The following FHIT variants were observed in gnomAD, a reference collection of about 807,000 sequenced individuals.
The protein encoded by FHIT is bis(5'-adenosyl)-triphosphatase.
Under a neutral mutation model 17.9 loss-of-function variants are expected in FHIT, and 19 were observed. That is an observed-to-expected ratio of 1.06 (90% CI 0.74 to 1.56). FHIT has a LOEUF of 1.56. Among genes scored for constraint, FHIT ranks in the 40% most tolerant of loss-of-function variants. The pLI is 0.00. For missense variants in FHIT, 248 were observed against 189.2 expected, an observed-to-expected ratio of 1.31 and a Z score of -1.82; for synonymous variants, 81 against 69.7, an observed-to-expected ratio of 1.16 and a Z score of -0.81.
chr3:60,803,588 G>A (rs1701276596), intron 4 of FHIT, among the ~76,000 whole-genome samples: 1 of 152,188 alleles, frequency 6.6e-6, no homozygotes, highest in Non-Finnish European at 1.5e-5. Flanking sequence ...TGAATGGGTG[G>A]CTGAGGGTGG....
At chr3:60,662,778 A>G (rs1384259950) in intron 4 of FHIT, among the ~76,000 whole-genome samples, 6 of 152,048 alleles carry the variant, frequency 3.9e-5, no homozygotes, top group Non-Finnish European at 5.9e-5. Context: ...TTGGTTAGGT[A>G]TATTTCTAAC....
chr3:61,118,063 G>A (rs2106912112), intron 2 of FHIT, among the ~76,000 whole-genome samples: 1 of 152,188 alleles, frequency 6.6e-6, no homozygotes, highest in East Asian at 1.9e-4. Context: ...TCTTCAGGAA[G>A]GAGGGGAAAA....
In FHIT at chr3:60,888,123, G is replaced by C. The variant is rs183199965; in HGVS notation, c.-110-66112C>G. Among the ~76,000 whole-genome samples, 370 of 152,290 alleles carry C rather than the reference G, an allele frequency of 2.4e-3. 2 individuals carry two copies. The highest frequency in any genetic ancestry group is 8.7e-3 in the African/African-American group (360 of 41,548). The stretch of plus-strand genomic sequence containing the variant: ...AGCTTTCTAACACTCCAAGAACTGT[G>C]AACCCTGGAGGGAAGGTTGTAATCT... On this transcript the variant is annotated intron_variant, in intron 3 of 9. Transcript: ENST00000492590.
chr3:60,081,935 G>A (rs955628113), intron 5 of FHIT, among the ~76,000 whole-genome samples: 5 of 151,418 alleles, frequency 3.3e-5, no homozygotes, highest in Admixed American at 6.6e-5. Context: ...CTACAAACTC[G>A]ATGAGTTCAC....
chr3:60,933,160 A>G (rs904826665), intron 3 of FHIT, among the ~76,000 whole-genome samples: 6 of 152,206 alleles, frequency 3.9e-5, no homozygotes, highest in Non-Finnish European at 7.3e-5. Context: ...TAACTTCAAA[A>G]GGGAAGATAC....
At chr3:60,517,335 T>C (rs2035197664) in intron 5 of FHIT, among the ~76,000 whole-genome samples, 1 of 152,248 alleles carries the variant, frequency 6.6e-6, no homozygotes, top group Non-Finnish European at 1.5e-5. Context: ...TGTAAAATTC[T>C]TCCATCCCAT....
intron 2 of FHIT, among the ~76,000 whole-genome samples, chr3:61,078,978 A>C (rs1189169626): frequency 1.3e-5 from 2 of 152,182 alleles, no homozygotes; most frequent in Non-Finnish European, 2.9e-5. Context: ...CATGAAAGTC[A>C]ATATGGGTAC....
chr3:59,857,362 A>AT (rs879481316), intron 8 of FHIT, among the ~76,000 whole-genome samples: 395 of 148,840 alleles, frequency 2.7e-3, no homozygotes, highest in African/African-American at 8.7e-3. Context: ...AGGTCAGAAT[A>AT]TTTTTTTTTT....
chr3:60,539,323 G>C (rs901451165), intron 4 of FHIT, among the ~76,000 whole-genome samples: 2 of 152,184 alleles, frequency 1.3e-5, no homozygotes, highest in African/African-American at 2.4e-5. Context: ...GGAGAAACAG[G>C]AACACTTTTA....
At chr3:61,121,639 A>G (rs2036459840) in intron 2 of FHIT, among the ~76,000 whole-genome samples, 1 of 152,174 alleles carries the variant, frequency 6.6e-6, no homozygotes, top group East Asian at 1.9e-4. Context: ...GCAAAAACAT[A>G]CCAAATTGTA....
intron 4 of FHIT, among the ~76,000 whole-genome samples, chr3:60,781,695 T>A (rs1700394399): frequency 6.6e-6 from 1 of 152,204 alleles, no homozygotes; most frequent in East Asian, 1.9e-4. Flanking sequence ...TAAAATACTT[T>A]GAAGCCTTTT....
chr3:59,912,261 TC>T, intron 8 of FHIT, among the ~76,000 whole-genome samples: 1 of 152,278 alleles, frequency 6.6e-6, no homozygotes, highest in East Asian at 1.9e-4. Flanking sequence ...TTCAGCCTTA[TC>T]CCAGATCACC....
At chr3:60,891,506 T>G (rs1705515462) in intron 3 of FHIT, among the ~76,000 whole-genome samples, 1 of 152,188 alleles carries the variant, frequency 6.6e-6, no homozygotes, top group South Asian at 2.1e-4. Context: ...ACTGACAGCC[T>G]TTTTGCCATT....
In FHIT at chr3:60,092,804, A is replaced by G. The variant is rs141942486; in HGVS notation, c.104-78652T>C. On this transcript the variant is annotated intron_variant, in intron 5 of 9. Coordinates refer to ENST00000492590, the MANE Select transcript of FHIT (RefSeq NM_002012.4). ...AAAGAACTCTGTAAGCAAATCAAAAATATCAGTGCTAAGGGTCTTAATAGC... is the reference window on the plus strand; with the variant it reads ...AAAGAACTCTGTAAGCAAATCAAAAGTATCAGTGCTAAGGGTCTTAATAGC... Among the ~76,000 whole-genome samples the G allele has an allele frequency of 2.8e-3, 419 of 152,342 alleles. 1 individual carries two copies. The highest frequency in any genetic ancestry group is 2.7e-3 in the Non-Finnish European group (184 of 68,038).
intron 5 of FHIT, among the ~76,000 whole-genome samples, chr3:60,438,592 A>G (rs1486654151): frequency 6.6e-6 from 1 of 151,972 alleles, no homozygotes; most frequent in South Asian, 2.1e-4. Flanking sequence ...TTTCTTTTAA[A>G]CTAAGAAGAA....
Position 60,738,530 on chromosome 3 carries a change from G to A in FHIT, c.-18+83389C>T, listed in dbSNP as rs144794559. 3.3e-5 allele frequency among the ~76,000 whole-genome samples: 5 copies of A among 152,312 alleles called. No homozygotes were observed. The East Asian group carries it at 7.7e-4, about 24-fold the overall frequency. ...CTGTCTCAGAAGGACCTGCTTTACC[G>A]TGACCGCAAGGATGGCATTTGAATC... On this transcript the variant is annotated intron_variant, in intron 4 of 9. Coordinates refer to ENST00000492590, the MANE Select transcript of FHIT (RefSeq NM_002012.4).
At chr3:60,657,258 C>T (rs1293112312) in intron 4 of FHIT, among the ~76,000 whole-genome samples, 3 of 152,118 alleles carry the variant, frequency 2.0e-5, no homozygotes, top group African/African-American at 7.2e-5. Context: ...TCTTTGATGT[C>T]TCAGCAATTG....
At chr3:60,386,469 A>G (rs1427647423) in intron 5 of FHIT, among the ~76,000 whole-genome samples, 1 of 152,162 alleles carries the variant, frequency 6.6e-6, no homozygotes, top group Non-Finnish European at 1.5e-5. Context: ...TGCACCATCC[A>G]CTTGTTCCTC....
At chr3:59,927,662 G>C (rs1222353037) in intron 7 of FHIT, among the ~76,000 whole-genome samples, 2 of 151,998 alleles carry the variant, frequency 1.3e-5, no homozygotes, top group Non-Finnish European at 2.9e-5. Flanking sequence ...CCAGGTACTC[G>C]GGAGGCTGAT....
Sources: gnomAD v4.1 joint callset for allele counts (sites outside exome capture counted in the v4.1 genomes callset) on GRCh38, gnomAD v4.1.1 for gene constraint, MANE v1.5 for transcripts, NCBI Gene and HGNC (gene_info 2026-07-23, HGNC 2026-07-21) for gene names.